The following LIPJ variants were observed in gnomAD, a reference collection of about 807,000 sequenced individuals.
LIPJ encodes lipase family member J.
A neutral mutation model predicts 39.8 loss-of-function variants in LIPJ; 33 were observed. The observed-to-expected ratio is 0.83, with a 90% CI of 0.63 to 1.11. LIPJ has a LOEUF of 1.11. Among genes scored for constraint, LIPJ ranks in the 50% least tolerant of loss-of-function variants. The probability of loss-of-function intolerance (pLI) is 0.00; values close to 1 mark genes in which losing one functional copy is unlikely to be tolerated. For synonymous variants in LIPJ, 128 were observed against 139.2 expected (o/e 0.92, Z 0.57); for missense variants, 422 against 427.9 (o/e 0.99, Z 0.12).
At chr10:88,622,106 T>G in the LIPJ span, among the ~76,000 whole-genome samples, 1 of 152,180 alleles carries the variant, frequency 6.6e-6, no homozygotes, top group African/African-American at 2.4e-5. Context: ...CCTTGGCTGA[T>G]AGAAAGCACG....
At chr10:88,605,779 T>G in intron 10 of LIPJ, 75 bp downstream of exon 10, 2 of 874,686 alleles carry the variant, frequency 2.3e-6, no homozygotes, top group Admixed American at 1.8e-5. Flanking sequence ...AAGGATCAAC[T>G]GTAAATCCCC....
At chr10:88,602,262 A>C (rs113446118) in intron 8 of LIPJ, among the ~76,000 whole-genome samples, 8 of 152,020 alleles carry the variant, frequency 5.3e-5, no homozygotes, top group African/African-American at 1.9e-4. Flanking sequence ...CTATCTTGTT[A>C]GTTCTTTAAT....
the LIPJ span, chr10:88,618,357 G>A: frequency 6.6e-6 from 1 of 152,242 alleles, no homozygotes; most frequent in African/African-American, 2.4e-5. Context: ...CTTCTTTGAA[G>A]TATTTTCCAG....
the LIPJ span, among the ~76,000 whole-genome samples, chr10:88,615,434 T>C: frequency 6.6e-6 from 1 of 151,796 alleles, no homozygotes; most frequent in East Asian, 1.9e-4. Context: ...GCACCTGTAA[T>C]CCCAGCTACT....
chr10:88,596,265 C>T lies in LIPJ; in HGVS notation c.440-15C>T, dbSNP rs1851252339. 7.6e-7 allele frequency: 1 copy of T among 1,310,436 alleles called. No homozygotes were observed. The allele number at this position is 1,310,436 out of a possible 1,614,324, so 81.2% of individuals were successfully genotyped here. ...TTAAGAATAGCTTACTAATTTATATCTTATTTTATTTTAGGTTTCATAACA... is the reference window on the plus strand; with the variant it reads ...TTAAGAATAGCTTACTAATTTATATTTTATTTTATTTTAGGTTTCATAACA... On this transcript the variant is annotated splice_polypyrimidine_tract_variant and intron_variant, in intron 6 of 10. Coordinates refer to ENST00000371939, the Ensembl canonical transcript of LIPJ.
At chr10:88,591,378 A>G (rs747443820) in exon 4 of LIPJ, 45 of 1,591,660 alleles carry the variant, frequency 2.8e-5, no homozygotes, top group Non-Finnish European at 3.6e-5. Context: ...CTTTATCTAG[A>G]GCCAGATTAT....
intron 8 of LIPJ, among the ~76,000 whole-genome samples, chr10:88,599,686 T>TAC: frequency 6.6e-6 from 1 of 150,538 alleles, no homozygotes; most frequent in Non-Finnish European, 1.5e-5. Context: ...TACATACATA[T>TAC]ATACACACAC....
intron 4 of LIPJ, chr10:88,592,865 C>T (rs1346288886): frequency 6.6e-6 from 1 of 151,870 alleles, no homozygotes; most frequent in Non-Finnish European, 1.5e-5. Flanking sequence ...CAATAGTAAA[C>T]CCTTAAAAAG....
At chr10:88,602,754 G>A in intron 9 of LIPJ, 107 bp downstream of exon 9, 1 of 550,476 alleles carries the variant, frequency 1.8e-6, no homozygotes, top group Non-Finnish European at 3.0e-6. Flanking sequence ...AATTTATAAG[G>A]ATAAAATGAA....
downstream of LIPJ, among the ~76,000 whole-genome samples, chr10:88,611,728 T>A (rs903797022): frequency 1.3e-5 from 2 of 152,138 alleles, no homozygotes; most frequent in Non-Finnish European, 2.9e-5. Flanking sequence ...GAAAAAAGAA[T>A]TTTAAAAAAT....
chr10:88,583,232 G>T (rs1477950992), upstream of LIPJ: 2 of 1,608,560 alleles, frequency 1.2e-6, no homozygotes, highest in African/African-American at 1.3e-5. Flanking sequence ...TCTGCGGCGG[G>T]GCCGTTCGGC....
intron 1 of LIPJ, 129 bp from the exon 2 acceptor site, chr10:88,587,137 G>T (rs1850938660): frequency 6.6e-6 from 1 of 151,696 alleles, no homozygotes; most frequent in Non-Finnish European, 1.5e-5. Context: ...CCTCTGTAGT[G>T]GTTTTCTCAT....
exon 8 of LIPJ, chr10:88,596,930 A>T (rs1348365113): frequency 6.7e-7 from 1 of 1,483,190 alleles, no homozygotes; most frequent in Non-Finnish European, 9.2e-7. Context: ...CAAAAAACTT[A>T]AATATGGTAA....
At chr10:88,589,346 G>A (rs1426207688) in intron 2 of LIPJ, among the ~76,000 whole-genome samples, 1 of 151,846 alleles carries the variant, frequency 6.6e-6, no homozygotes, top group Admixed American at 6.6e-5. Flanking sequence ...AACCAAAGAG[G>A]AATATCTAAA....
chr10:88,588,540 T>A (rs2134537726), intron 2 of LIPJ, among the ~76,000 whole-genome samples: 1 of 151,978 alleles, frequency 6.6e-6, no homozygotes, highest in African/African-American at 2.4e-5. Context: ...TTTATTAAGG[T>A]AATAAATGAG....
the LIPJ span, among the ~76,000 whole-genome samples, chr10:88,613,800 A>ATATATATATATATATATGTG: frequency 3.1e-4 from 23 of 74,154 alleles, no homozygotes; most frequent in Non-Finnish European, 5.3e-4. Context: ...ATATATATAT[A>ATATATATATATATATATGTG]TGTGTGTGTG....
At chr10:88,602,444 A>AT (rs1304474101) in intron 8 of LIPJ, 132 bp from the exon 9 acceptor site, 1 of 536,462 alleles carries the variant, frequency 1.9e-6, no homozygotes, top group African/African-American at 2.0e-5. Context: ...TAATTTGATG[A>AT]TTTGTTTATT....
the LIPJ span, among the ~76,000 whole-genome samples, chr10:88,616,832 T>C: frequency 6.8e-4 from 103 of 152,296 alleles, no homozygotes; most frequent in South Asian, 1.9e-3. Context: ...GTCAAATGGC[T>C]ACAGTCTCTA....
intron 4 of LIPJ, 138 bp downstream of exon 4, chr10:88,591,636 G>A: frequency 1.6e-6 from 1 of 641,458 alleles, no homozygotes; most frequent in Admixed American, 3.2e-5. Flanking sequence ...CTTCTCGCAT[G>A]CTACAAGAAG....
Sources: allele counts gnomAD v4.1 joint callset (sites outside exome capture counted in the v4.1 genomes callset), GRCh38; gene constraint gnomAD v4.1.1; transcripts MANE v1.5; gene names NCBI Gene and HGNC (gene_info 2026-07-23, HGNC 2026-07-21).